The following UBR4 variants were observed in gnomAD, a reference collection of about 807,000 sequenced individuals.
UBR4 encodes the protein E3 ubiquitin-protein ligase UBR4.
In UBR4, 124 loss-of-function variants were observed where a neutral mutation model predicts 575.6. The observed-to-expected ratio is 0.22, with a 90% CI of 0.19 to 0.25. The LOEUF is 0.25. UBR4 is among the 10% of genes least tolerant of loss of function. The pLI is 1.00. For missense variants in UBR4, 4,818 were observed against 6,478.8 expected (o/e 0.74, Z 8.80); for synonymous variants, 2,455 against 2,473.7 (o/e 0.99, Z 0.22).
rs369729856 is a variant in UBR4, at chr1:19,088,911, T to C, written c.14278A>G (p.Ile4760Val). 3.1e-6 allele frequency: 5 copies of C among 1,614,070 alleles called. No individual in the cohort carries two copies. Among genetic ancestry groups the C allele is most frequent in the Non-Finnish European group, 2.5e-6 (3 of 1,180,038 alleles). The change falls in exon 98 of 106, where the codon ATT becomes GTT. Residue 4760 changes from isoleucine (I) to valine (V), a missense_variant. By Grantham distance (29) the Ile-to-Val change is conservative (BLOSUM62 3). Coordinates refer to ENST00000375254, the MANE Select transcript of UBR4 (RefSeq NM_020765.3). The surrounding 1 kb of genome is among the most constrained non-coding windows in gnomAD (Gnocchi z 4.0). ...AGCAGGTTCTCTGCCAAGGTCCCAA[T>C]GCCCTCATCACTGGACACCTGCTCC... ...KLEQVSSDEG[I>V]GTLAENLLEA...
In UBR4 at chr1:19,197,665, C is replaced by T; in HGVS notation, c.893+5G>A. On this transcript the variant is annotated splice_donor_5th_base_variant and intron_variant, in intron 7 of 105. Transcript: ENST00000375254. ...GTAAAGCATGTGCACTGTGAAGCAC[C>T]TTACCCATTACGAACAGCAGTGGCA... is the stretch of plus-strand genomic sequence containing the variant. The T allele has an allele frequency of 1.2e-6, 2 of 1,613,854 alleles. No individual in the cohort carries two copies. The highest frequency in any genetic ancestry group is 2.2e-5 in the South Asian group (2 of 91,070).
At chr1:19,197,499 T>C (rs1316139232) in intron 7 of UBR4, among the ~76,000 whole-genome samples, 171 bp downstream of exon 7, 6 of 152,052 alleles carry the variant, frequency 3.9e-5, no homozygotes, top group Non-Finnish European at 7.4e-5. Flanking sequence ...CATGGTGGTG[T>C]GTGCCTGTAG....
rs2092645854 is a variant in UBR4, at chr1:19,199,555, C to T, written c.378+96G>A. 3.7e-6 allele frequency: 4 copies of T among 1,078,422 alleles called. No individual in the cohort carries two copies. The South Asian group carries it at 4.1e-5, about 11-fold the overall frequency. The allele number at this position is 1,078,422 out of a possible 1,614,324, so 66.8% of individuals were successfully genotyped here. On this transcript the variant is annotated intron_variant, in intron 3 of 105. Transcript: ENST00000375254. ...GCCTGCAAATGATTTCCTATCTGGCCTATTACAGAAAAAGTTCACTGACCT... is the reference window on the plus strand; with the variant it reads ...GCCTGCAAATGATTTCCTATCTGGCTTATTACAGAAAAAGTTCACTGACCT...
chr1:19,130,755 T>TA (rs2149691421), intron 60 of UBR4, among the ~76,000 whole-genome samples: 1 of 152,288 alleles, frequency 6.6e-6, no homozygotes, highest in East Asian at 1.9e-4. Context: ...ACATAAAACA[T>TA]AAGACGGCTT....
intron 1 of UBR4, among the ~76,000 whole-genome samples, chr1:19,209,658 C>G (rs1019540374): frequency 2.0e-5 from 3 of 152,194 alleles, no homozygotes; most frequent in African/African-American, 7.2e-5. Context: ...ATTACAGCAC[C>G]GCGGGGAGAC....
intron 60 of UBR4, among the ~76,000 whole-genome samples, chr1:19,134,086 T>TAA (rs71030132): frequency 0.048 from 2,512 of 52,390 alleles, 218 homozygotes; most frequent in East Asian, 0.13. Context: ...ACTCTGTCTC[T>TAA]AAAAAAAAAA....
At chr1:19,127,470 C>T (rs1001418834) in intron 63 of UBR4, among the ~76,000 whole-genome samples, 153 bp downstream of exon 63, 6 of 152,174 alleles carry the variant, frequency 3.9e-5, no homozygotes, top group Admixed American at 2.6e-4. Context: ...GGTGGAGGTT[C>T]TGCTCTTGAA....
chr1:19,171,762 T>C (rs1404345013), intron 25 of UBR4, among the ~76,000 whole-genome samples: 1 of 152,178 alleles, frequency 6.6e-6, no homozygotes, highest in Non-Finnish European at 1.5e-5. Context: ...GGAGAATCAC[T>C]TGAACCCAGG....
chr1:19,186,590 T>C lies in UBR4; in HGVS notation c.1700A>G (p.Asn567Ser), dbSNP rs368232089. The change falls in exon 14 of 106, where the codon AAT (asparagine) becomes AGT (serine). Residue 567 changes from asparagine to serine, a missense_variant. By Grantham distance (46) the Asn-to-Ser change is conservative (BLOSUM62 1). This residue lies in a region of UBR4 where 162 missense variants were observed against 216.4 expected (regional missense o/e 0.75). Transcript: ENST00000375254. ...SSDASASTDSNTYYEDDFSST... is the reference protein window; with the variant it reads ...SSDASASTDSSTYYEDDFSST... ...ACTGAAATCGTCCTCATAGTAAGTATTGGAGTCGGTGGAGGCGCTGGCATC... is the reference window on the plus strand; with the variant it reads ...ACTGAAATCGTCCTCATAGTAAGTACTGGAGTCGGTGGAGGCGCTGGCATC... 18 of 1,614,034 alleles carry C rather than the reference T, an allele frequency of 1.1e-5. No homozygotes were observed. The highest frequency in any genetic ancestry group is 6.7e-5 in the Admixed American group (4 of 59,996).
intron 90 of UBR4, among the ~76,000 whole-genome samples, chr1:19,098,047 G>A (rs142526869): frequency 6.6e-6 from 1 of 152,210 alleles, no homozygotes; most frequent in Non-Finnish European, 1.5e-5. Context: ...AGAAATTGGA[G>A]CTCAAAGTAA....
intron 92 of UBR4, chr1:19,096,001 G>A: frequency 1.2e-5 from 3 of 245,742 alleles, no homozygotes; most frequent in Non-Finnish European, 1.6e-5. Flanking sequence ...CAAAGCTCGT[G>A]GCCTGTGAGA....
At chr1:19,169,582 C>T in intron 26 of UBR4, 50 bp from the exon 27 acceptor site, 1 of 1,532,202 alleles carries the variant, frequency 6.5e-7, no homozygotes, top group Non-Finnish European at 8.9e-7. Flanking sequence ...GAAGGAACGA[C>T]ACAGAGCATT....
At chr1:19,132,604 G>GAAAAAA (rs1557716278) in intron 60 of UBR4, among the ~76,000 whole-genome samples, 31 of 19,898 alleles carry the variant, frequency 1.6e-3, no homozygotes, top group African/African-American at 4.3e-3. Context: ...GTAAAAAATG[G>GAAAAAA]TAAAAAAAAA....
chr1:19,170,224 C>A (rs1376766582), intron 26 of UBR4, among the ~76,000 whole-genome samples: 2 of 152,130 alleles, frequency 1.3e-5, no homozygotes. Flanking sequence ...ATAGGAAGAC[C>A]TCATCTCTAC....
At chr1:19,099,825 G>T in intron 89 of UBR4, 148 bp from the exon 90 acceptor site, 1 of 658,242 alleles carries the variant, frequency 1.5e-6, no homozygotes, top group Non-Finnish European at 2.5e-6. Context: ...TAAAAAATCC[G>T]CACGTATGAA....
chr1:19,149,927 G>C (rs2150232127), intron 49 of UBR4: 262 of 426,654 alleles, frequency 6.1e-4, no homozygotes, highest in Non-Finnish European at 9.8e-4. Context: ...AGGGAGGGAG[G>C]AGGCTGGTGG....
In UBR4 at chr1:19,145,941, G is replaced by A. The variant is rs2084796970; in HGVS notation, c.7805-8C>T. 3 of 1,613,000 alleles carry A rather than the reference G, an allele frequency of 1.9e-6. No homozygotes were observed. Among genetic ancestry groups the A allele is most frequent in the East Asian group, 4.5e-5 (2 of 44,866 alleles). On this transcript the variant is annotated splice_region_variant and splice_polypyrimidine_tract_variant and intron_variant, in intron 52 of 105. Coordinates refer to ENST00000375254, the MANE Select transcript of UBR4 (RefSeq NM_020765.3). ...TCCCTTCATCCATTCCTTCTAAGCAGGAGAAAGAAAATTATCAACGATGGT... is the reference window on the plus strand; with the variant it reads ...TCCCTTCATCCATTCCTTCTAAGCAAGAGAAAGAAAATTATCAACGATGGT...
At chr1:19,206,351 T>A (rs867717145) in intron 1 of UBR4, among the ~76,000 whole-genome samples, 5 of 151,324 alleles carry the variant, frequency 3.3e-5, no homozygotes, top group Admixed American at 6.6e-5. Flanking sequence ...TTTTTTTTTT[T>A]AGATGGAGTT....
chr1:19,144,096 G>C lies in UBR4; in HGVS notation c.8068-5C>G. 2 of 1,612,710 alleles carry C rather than the reference G, an allele frequency of 1.2e-6. No individual in the cohort carries two copies. The highest frequency in any genetic ancestry group is 1.7e-6 in the Non-Finnish European group (2 of 1,178,808). On this transcript the variant is annotated splice_region_variant and splice_polypyrimidine_tract_variant and intron_variant, in intron 54 of 105. Coordinates refer to ENST00000375254, the MANE Select transcript of UBR4 (RefSeq NM_020765.3). ...AGAGAAGCTCACAGCAGGATCCTGA[G>C]GTTTAAAAGGAAACTGTCACGCTTT...
Sources: gnomAD v4.1 joint callset for allele counts (sites outside exome capture counted in the v4.1 genomes callset) on GRCh38, gnomAD v4.1.1 for gene constraint, gnomAD v4.1.1 regional missense constraint, Gnocchi (gnomAD v3.1) non-coding constraint, MANE v1.5 for transcripts, NCBI Gene and HGNC (gene_info 2026-07-23, HGNC 2026-07-21) for gene names.